KCNU1: variants seen among roughly 807,000 people sequenced by gnomAD.
KCNU1 encodes potassium channel subfamily U member 1.
Under a neutral mutation model 126.8 loss-of-function variants are expected in KCNU1, and 93 were observed. The observed-to-expected ratio is 0.73, with a 90% CI of 0.62 to 0.87. The LOEUF is 0.87. KCNU1 is among the 40% of genes least tolerant of loss of function. The pLI, the probability that KCNU1 is intolerant of heterozygous loss-of-function variation, is 0.00. For missense variants in KCNU1, 1,330 were observed against 1,367.1 expected, an observed-to-expected ratio of 0.97 and a Z score of 0.43; for synonymous variants, 523 against 494.2, an observed-to-expected ratio of 1.06 and a Z score of -0.77.
At chr8:36,798,171 C>T (rs866109353) in intron 2 of KCNU1, among the ~76,000 whole-genome samples, 7 of 152,246 alleles carry the variant, frequency 4.6e-5, no homozygotes, top group Middle Eastern at 6.8e-3. Flanking sequence ...AATTACCATC[C>T]GTGCTGGACT....
At chr8:36,921,895 C>G (rs1431059633) in intron 23 of KCNU1, among the ~76,000 whole-genome samples, 1 of 152,120 alleles carries the variant, frequency 6.6e-6, no homozygotes, top group Non-Finnish European at 1.5e-5. Flanking sequence ...AATCGGCAAC[C>G]TCAGCAGCAT....
At position 36,932,672 on chromosome 8, in the gene KCNU1, A is replaced by G. The variant is rs1034676576; in HGVS notation, c.2932-248A>G. Among the ~76,000 whole-genome samples, 11 of 152,124 alleles carry G rather than the reference A, an allele frequency of 7.2e-5. 1 individual carries two copies. Among genetic ancestry groups the G allele is most frequent in the East Asian group, 5.8e-4 (3 of 5,172 alleles). ...AATGGTAATAAGGACAAGCACAACA[A>G]CATGTCACACCACACCCACCAGAAG... On this transcript the variant is annotated intron_variant, in intron 25 of 26. Transcript: ENST00000399881.
intron 10 of KCNU1, among the ~76,000 whole-genome samples, chr8:36,820,994 T>C (rs1447963723): frequency 6.6e-6 from 1 of 152,176 alleles, no homozygotes; most frequent in Non-Finnish European, 1.5e-5. Flanking sequence ...ATTAGGTTTA[T>C]AGAAAATACT....
At position 36,918,738 on chromosome 8, in the gene KCNU1, C is replaced by A. The variant is rs901181672; in HGVS notation, c.2522-85C>A. ...AAAGTAACTTTGCTAAGATAAAGCA[C>A]CAAGTTACATTATATTCTTCTACAT... On this transcript the variant is annotated intron_variant, in intron 22 of 26. Transcript: ENST00000399881. The A allele has an allele frequency of 1.4e-5, 12 of 855,764 alleles. No individual in the cohort carries two copies. The African/African-American group carries it at 1.9e-4, about 13-fold the overall frequency. 53.0% of individuals were successfully genotyped at this position (855,764 alleles called of 1,614,324 possible). A position where few individuals can be genotyped will look rare whatever the true frequency, so the allele number is the denominator to read the frequency against.
At chr8:36,858,947 A>T (rs1408194402) in intron 18 of KCNU1, among the ~76,000 whole-genome samples, 1 of 152,158 alleles carries the variant, frequency 6.6e-6, no homozygotes, top group African/African-American at 2.4e-5. Context: ...CCCTATACTG[A>T]TCCCCAATCA....
chr8:36,799,574 A>T (rs1162209695), intron 2 of KCNU1, among the ~76,000 whole-genome samples: 1 of 151,204 alleles, frequency 6.6e-6, no homozygotes, highest in Non-Finnish European at 1.5e-5. Flanking sequence ...CTCTGCTGTC[A>T]TCCAGGCTGG....
chr8:36,837,152 G>C (rs143002776), intron 14 of KCNU1, among the ~76,000 whole-genome samples: 292 of 152,098 alleles, frequency 1.9e-3, no homozygotes, highest in Middle Eastern at 6.8e-3. Context: ...TTTTATTCCT[G>C]CCTAAGAATA....
intron 19 of KCNU1, among the ~76,000 whole-genome samples, chr8:36,900,876 A>G (rs1017529865): frequency 1.3e-5 from 2 of 152,096 alleles, no homozygotes; most frequent in Non-Finnish European, 2.9e-5. Context: ...CCCTCCTTCT[A>G]TATATGCTAG....
At chr8:36,908,268 T>C (rs1341221696) in intron 20 of KCNU1, among the ~76,000 whole-genome samples, 1 of 152,192 alleles carries the variant, frequency 6.6e-6, no homozygotes, top group Admixed American at 6.5e-5. Flanking sequence ...CTTAAGTATA[T>C]TCCATGCATA....
In KCNU1 at chr8:36,807,384, T is replaced by C; in HGVS notation, c.590T>C (p.Phe197Ser). ...TTCCATTGGTTTGTAGGTTTAAGGT[T>C]CCTAAGAGCCTTGCGCCTGCTAGAA... ...YLKSNWLGLR[F>S]LRALRLLELP... is the part of the protein sequence containing the mutation. Residue 197 changes from phenylalanine to serine, a missense_variant, in exon 6 of 27, where the codon TTC (phenylalanine) becomes TCC (serine). Phe to Ser is a radical substitution (Grantham distance 155). Coordinates refer to ENST00000399881, the MANE Select transcript of KCNU1 (RefSeq NM_001031836.3). 1 of 1,613,324 alleles carries C rather than the reference T, an allele frequency of 6.2e-7. No homozygotes were observed. Among genetic ancestry groups the C allele is most frequent in the Non-Finnish European group, 8.5e-7 (1 of 1,179,390 alleles).
Position 36,817,726 on chromosome 8 carries a change from G to A in KCNU1, c.1072G>A (p.Gly358Arg). The change falls in exon 10 of 27, where the codon GGA (glycine) becomes AGA (arginine). Residue 358 changes from glycine to arginine, a missense_variant. Gly to Arg is a moderately radical substitution (Grantham distance 125). Coordinates refer to ENST00000399881, the MANE Select transcript of KCNU1 (RefSeq NM_001031836.3). Reference protein sequence around the residue: ...FLRNFLRDKSGEINTEIVFLG... With the variant: ...FLRNFLRDKSREINTEIVFLG... Reference sequence around the variant, plus strand: ...GAGGAATTTCCTCCGCGACAAGTCAGGAGAGATCAACACTGAAATTGTTTT... The same window carrying A: ...GAGGAATTTCCTCCGCGACAAGTCAAGAGAGATCAACACTGAAATTGTTTT... 6.2e-7 allele frequency: 1 copy of A among 1,606,770 alleles called. No homozygotes were observed. Among genetic ancestry groups the A allele is most frequent in the Non-Finnish European group, 8.5e-7 (1 of 1,175,086 alleles).
intron 2 of KCNU1, among the ~76,000 whole-genome samples, chr8:36,793,006 A>T (rs764772738): frequency 6.6e-6 from 1 of 152,172 alleles, no homozygotes; most frequent in Admixed American, 6.5e-5. Flanking sequence ...CATATACATC[A>T]TGGAATACTA....
intron 6 of KCNU1, among the ~76,000 whole-genome samples, chr8:36,807,797 G>T (rs1298198598): frequency 6.8e-6 from 1 of 146,870 alleles, no homozygotes; most frequent in African/African-American, 2.6e-5. Context: ...AGTAACTCAT[G>T]TCTCTCCTGG....
intron 19 of KCNU1, among the ~76,000 whole-genome samples, chr8:36,870,398 G>A (rs892549768): frequency 1.6e-4 from 25 of 152,072 alleles, no homozygotes; most frequent in Admixed American, 1.0e-3. Flanking sequence ...TACATACCCT[G>A]TTGTCTCAGG....
chr8:36,844,207 C>T (rs1805057990), intron 16 of KCNU1, among the ~76,000 whole-genome samples: 1 of 151,912 alleles, frequency 6.6e-6, no homozygotes, highest in Non-Finnish European at 1.5e-5. Flanking sequence ...GGTGAAACTC[C>T]GTCTCTACTA....
At chr8:36,858,394 G>C (rs1805610410) in intron 18 of KCNU1, among the ~76,000 whole-genome samples, 1 of 151,846 alleles carries the variant, frequency 6.6e-6, no homozygotes, top group Non-Finnish European at 1.5e-5. Flanking sequence ...TTGAAGCAAT[G>C]GATGAGTCTG....
chr8:36,925,956 C>T (rs1029661525), intron 24 of KCNU1, among the ~76,000 whole-genome samples: 2 of 152,136 alleles, frequency 1.3e-5, no homozygotes, highest in Non-Finnish European at 2.9e-5. Flanking sequence ...CCAAGGCAGA[C>T]ATTGCTGATG....
chr8:36,912,748 G>A (rs959529115), intron 22 of KCNU1, among the ~76,000 whole-genome samples: 1 of 151,900 alleles, frequency 6.6e-6, no homozygotes, highest in Non-Finnish European at 1.5e-5. Flanking sequence ...GAGGTGGGGG[G>A]ATCACAAGGT....
chr8:36,853,761 A>G (rs760639269), intron 18 of KCNU1, among the ~76,000 whole-genome samples: 2 of 152,052 alleles, frequency 1.3e-5, no homozygotes, highest in African/African-American at 2.4e-5. Flanking sequence ...ATGTCTGTTA[A>G]GTATAGTTGG....
Sources: allele counts gnomAD v4.1 joint callset (sites outside exome capture counted in the v4.1 genomes callset), GRCh38; gene constraint gnomAD v4.1.1; transcripts MANE v1.5; gene names NCBI Gene and HGNC (gene_info 2026-07-23, HGNC 2026-07-21).